The following GPCPD1 variants were observed in gnomAD, a reference collection of about 807,000 sequenced individuals.
The protein encoded by GPCPD1 is glycerophosphocholine phosphodiesterase 1.
A neutral mutation model predicts 89.2 loss-of-function variants in GPCPD1; 29 were observed. That is an observed-to-expected ratio of 0.33 (90% CI 0.24 to 0.44). The LOEUF (loss-of-function observed/expected upper bound fraction) is 0.44, where lower values mean the gene tolerates loss of function less well. Among genes scored for constraint, GPCPD1 ranks in the 20% least tolerant of loss-of-function variants. The probability of loss-of-function intolerance (pLI) is 1.00; values close to 1 mark genes in which losing one functional copy is unlikely to be tolerated. For missense variants in GPCPD1, 594 were observed against 808.9 expected, an observed-to-expected ratio of 0.73 and a Z score of 3.22; for synonymous variants, 258 against 266.3, an observed-to-expected ratio of 0.97 and a Z score of 0.30.
intron 19 of GPCPD1, among the ~76,000 whole-genome samples, chr20:5,554,655 A>G (rs1985648568): frequency 6.6e-6 from 1 of 152,250 alleles, no homozygotes; most frequent in African/African-American, 2.4e-5. Flanking sequence ...TGGTCACCCA[A>G]GAACTCTAAC....
At chr20:5,608,203 CTT>C (rs1448726626) in intron 1 of GPCPD1, among the ~76,000 whole-genome samples, 2 of 152,118 alleles carry the variant, frequency 1.3e-5, no homozygotes, top group Admixed American at 6.6e-5. Context: ...GAAATTGAGT[CTT>C]TTATTCTCAA....
intron 17 of GPCPD1, among the ~76,000 whole-genome samples, chr20:5,559,225 A>G (rs1295383505): frequency 2.0e-5 from 3 of 152,176 alleles, no homozygotes; most frequent in Non-Finnish European, 4.4e-5. Flanking sequence ...ATTTAAAAAA[A>G]AAAGAAAGAA....
rs1299828898 is a variant in GPCPD1 at position 5,586,326 on chromosome 20, T to G, written c.232-57A>C. The stretch of plus-strand genomic sequence containing the variant: ...TTTCTTATATCTTATTTTCTACCCA[T>G]GACTCCATTAGATGTTTGTGGCCTA... On this transcript the variant is annotated intron_variant, in intron 4 of 19. Transcript: ENST00000379019. The G allele has an allele frequency of 2.0e-5, 19 of 928,696 alleles. No homozygotes were observed. The Admixed American group carries it at 3.0e-4, about 15-fold the overall frequency. The allele number at this position is 928,696 out of a possible 1,614,324, so 57.5% of individuals were successfully genotyped here.
At chr20:5,600,447 G>A (rs986157868) in intron 2 of GPCPD1, among the ~76,000 whole-genome samples, 3 of 152,202 alleles carry the variant, frequency 2.0e-5, no homozygotes, top group African/African-American at 7.2e-5. Flanking sequence ...CCAGCACTCT[G>A]GGGGACTGAA....
chr20:5,589,799 A>G (rs1310301076), intron 4 of GPCPD1, among the ~76,000 whole-genome samples: 1 of 152,242 alleles, frequency 6.6e-6, no homozygotes. Flanking sequence ...ACATTCTGGA[A>G]AAGTCTGCCA....
At position 5,597,625 on chromosome 20, in the gene GPCPD1, T is replaced by C. The variant is rs537350810; in HGVS notation, c.146+1100A>G. 4.0e-4 allele frequency among the ~76,000 whole-genome samples: 61 copies of C among 152,258 alleles called. 1 individual carries two copies. The highest frequency in any genetic ancestry group is 6.3e-4 in the Non-Finnish European group (43 of 68,030). ...CACCTAATCGGGCACTGGATATACT[T>C]GTATGCTATTTAGGAAAACCTATAA... On this transcript the variant is annotated intron_variant, in intron 3 of 19. Transcript: ENST00000379019.
intron 15 of GPCPD1, among the ~76,000 whole-genome samples, chr20:5,563,835 T>C (rs1476860636): frequency 6.6e-6 from 1 of 152,206 alleles, no homozygotes; most frequent in East Asian, 1.9e-4. Context: ...CATACCTAAA[T>C]ATTTTAACAA....
At chr20:5,604,616 G>GAA (rs1555810992) in intron 1 of GPCPD1, among the ~76,000 whole-genome samples, 176 bp from the exon 2 acceptor site, 2 of 66,712 alleles carry the variant, frequency 3.0e-5, no homozygotes, top group Admixed American at 3.5e-4. Context: ...TAGTGCGGGG[G>GAA]GGGGGGGGCG....
At chr20:5,608,091 C>T (rs1422407698) in intron 1 of GPCPD1, among the ~76,000 whole-genome samples, 1 of 152,100 alleles carries the variant, frequency 6.6e-6, no homozygotes, top group Non-Finnish European at 1.5e-5. Context: ...TTCCTATGTA[C>T]TAAAATCAAC....
rs188807755 is a variant in GPCPD1, at chr20:5,573,905, G to A, written c.1056+10C>T. 2.4e-4 allele frequency: 335 copies of A among 1,408,076 alleles called. 2 individuals are homozygous for A. The Admixed American group carries it at 5.5e-3, about 23-fold the overall frequency. The allele number at this position is 1,408,076 out of a possible 1,614,324, so 87.2% of individuals were successfully genotyped here. On this transcript the variant is annotated intron_variant, in intron 11 of 19. Transcript: ENST00000379019. ...CCTCAGCAGTCTAAAGTTGTTTAAAGGTTACTTACATGACTAGCAGCATTT... is the reference window on the plus strand; with the variant it reads ...CCTCAGCAGTCTAAAGTTGTTTAAAAGTTACTTACATGACTAGCAGCATTT...
chr20:5,561,311 T>C (rs925852813), intron 16 of GPCPD1, among the ~76,000 whole-genome samples, 154 bp downstream of exon 16: 1 of 152,256 alleles, frequency 6.6e-6, no homozygotes, highest in African/African-American at 2.4e-5. Context: ...AAGATATGTT[T>C]TATTTAAAGG....
chr20:5,602,848 T>A (rs1413915083), intron 2 of GPCPD1, among the ~76,000 whole-genome samples: 2 of 151,982 alleles, frequency 1.3e-5, no homozygotes, highest in African/African-American at 4.8e-5. Context: ...CCAGGTGTGG[T>A]GTCAGGCATC....
chr20:5,578,329 A>T, intron 8 of GPCPD1, 51 bp downstream of exon 8: 2 of 1,100,050 alleles, frequency 1.8e-6, no homozygotes, highest in Non-Finnish European at 2.8e-6. Flanking sequence ...ACGTTAAAAT[A>T]AGCTTGTCCC....
At position 5,545,091 on chromosome 20, in the gene GPCPD1, A is replaced by C. The variant is rs1419470697; in HGVS notation, c.*2570T>G. ...TTTTCAAACATTTCACTTGATTTCC[A>C]TAAAGTATAAAATAATTTAACATTA... On this transcript the variant is annotated 3_prime_UTR_variant, in exon 20 of 20. Transcript: ENST00000379019. 57 of 152,218 alleles carry C rather than the reference A, an allele frequency of 3.7e-4. 1 individual carries two copies. The highest frequency in any genetic ancestry group is 3.7e-3 in the Admixed American group (57 of 15,284). The allele number at this position is 152,218 out of a possible 1,614,324, so 9.4% of individuals were successfully genotyped here.
In GPCPD1 at chr20:5,572,248, G is replaced by A. The variant is rs181663396; in HGVS notation, c.1056+1667C>T. On this transcript the variant is annotated intron_variant, in intron 11 of 19. Transcript: ENST00000379019. Reference sequence around the variant, plus strand: ...ATGAAATGATGTTTAGACTAGCTATGACAGTAAAACTGGTTCCAAATTAAT... The same window carrying A: ...ATGAAATGATGTTTAGACTAGCTATAACAGTAAAACTGGTTCCAAATTAAT... Among the ~76,000 whole-genome samples the A allele has an allele frequency of 3.0e-4, 45 of 152,210 alleles. 1 individual carries two copies. In the East Asian group the frequency reaches 7.7e-3, roughly 26 times the overall value.
At chr20:5,605,242 CTACA>C (rs891515490) in intron 1 of GPCPD1, among the ~76,000 whole-genome samples, 3 of 152,144 alleles carry the variant, frequency 2.0e-5, no homozygotes, top group African/African-American at 7.2e-5. Flanking sequence ...GATTCTTTTG[CTACA>C]TACTTTCTCT....
rs1984963790 is a variant in GPCPD1, at chr20:5,544,918, A to G, written c.*2743T>C. Reference sequence around the variant, plus strand: ...TGGGAGACGACAGACAAGTGTCACAAGGAGCAACGGCAGAGAGGTGGGTGG... The same window carrying G: ...TGGGAGACGACAGACAAGTGTCACAGGGAGCAACGGCAGAGAGGTGGGTGG... On this transcript the variant is annotated 3_prime_UTR_variant, in exon 20 of 20. Transcript: ENST00000379019. 1 of 152,208 alleles carries G rather than the reference A, an allele frequency of 6.6e-6. No individual in the cohort carries two copies. 9.4% of individuals were successfully genotyped at this position (152,208 alleles called of 1,614,324 possible). A position where few individuals can be genotyped will look rare whatever the true frequency, so the allele number is the denominator to read the frequency against.
At chr20:5,567,375 T>C (rs1394303827) in intron 13 of GPCPD1, 108 bp downstream of exon 13, 2 of 1,309,792 alleles carry the variant, frequency 1.5e-6, no homozygotes, top group Non-Finnish European at 2.1e-6. Flanking sequence ...AGTCTACACA[T>C]TAAATTTAAC....
intron 3 of GPCPD1, among the ~76,000 whole-genome samples, chr20:5,598,415 G>T (rs1182134979): frequency 6.6e-6 from 1 of 151,294 alleles, no homozygotes; most frequent in East Asian, 1.9e-4. Flanking sequence ...AACTAATTAT[G>T]GTGGTAAGTA....
Sources: allele counts gnomAD v4.1 joint callset (sites outside exome capture counted in the v4.1 genomes callset), GRCh38; gene constraint gnomAD v4.1.1; transcripts MANE v1.5; gene names NCBI Gene and HGNC (gene_info 2026-07-23, HGNC 2026-07-21).